ARHGEF7: variants seen among roughly 807,000 people sequenced by gnomAD.
ARHGEF7 encodes the protein PAK-interacting exchange factor beta.
In ARHGEF7, 33 loss-of-function variants were observed where a neutral mutation model predicts 109.8. The ratio of observed to expected loss-of-function variants is 0.30; its 90% CI spans 0.23 to 0.40. The LOEUF is 0.40. Ranked by LOEUF, ARHGEF7 falls within the 10% of genes least tolerant of loss-of-function variation. The pLI is 1.00. For missense variants in ARHGEF7, 938 were observed against 1,098.5 expected (o/e 0.85, Z 2.07); for synonymous variants, 458 against 424.6 (o/e 1.08, Z -0.97).
chr13:111,120,209 C>G (rs1053930150), intron 1 of ARHGEF7, among the ~76,000 whole-genome samples: 1 of 152,220 alleles, frequency 6.6e-6, no homozygotes, highest in Non-Finnish European at 1.5e-5. Flanking sequence ...AAGAAGGTAG[C>G]TGGAACTGCA....
At chr13:111,183,084 T>A (rs1472213654) in intron 2 of ARHGEF7, among the ~76,000 whole-genome samples, 1 of 152,204 alleles carries the variant, frequency 6.6e-6, no homozygotes, top group African/African-American at 2.4e-5. Context: ...TTTAACAGGA[T>A]GTACCCCATT....
intron 2 of ARHGEF7, chr13:111,184,904 G>A (rs566928513): frequency 1.3e-5 from 2 of 152,460 alleles, no homozygotes; most frequent in East Asian, 3.8e-4. Flanking sequence ...GCAGAGCTGA[G>A]GGAGACACTT....
intron 5 of ARHGEF7, among the ~76,000 whole-genome samples, chr13:111,222,360 C>CTGT (rs900622603): frequency 6.6e-6 from 1 of 152,084 alleles, no homozygotes; most frequent in Non-Finnish European, 1.5e-5. Flanking sequence ...CCTTCTGTCC[C>CTGT]TGTTGTTCTC....
At chr13:111,211,692 T>C (rs1053076540) in intron 4 of ARHGEF7, among the ~76,000 whole-genome samples, 2 of 152,210 alleles carry the variant, frequency 1.3e-5, no homozygotes, top group African/African-American at 4.8e-5. Context: ...TCTTTACCCT[T>C]AGGTTTTTCT....
chr13:111,207,553 A>G (rs913168527), intron 3 of ARHGEF7, among the ~76,000 whole-genome samples: 1 of 152,344 alleles, frequency 6.6e-6, no homozygotes, highest in South Asian at 2.1e-4. Context: ...GTAATCCTTA[A>G]TTTGACTCTG....
In ARHGEF7 at chr13:111,267,195, C is replaced by T. The variant is rs143401209; in HGVS notation, c.951-353C>T. Among the ~76,000 whole-genome samples, 610 of 152,326 alleles carry T rather than the reference C, an allele frequency of 4.0e-3. 4 individuals are homozygous for T. Among genetic ancestry groups the T allele is most frequent in the African/African-American group, 0.014 (580 of 41,568 alleles). ...TGATGTTGCTGCTTTGGTAGAAAACCTCACAGACTGAATAACCACATTCAA... is the reference window on the plus strand; with the variant it reads ...TGATGTTGCTGCTTTGGTAGAAAACTTCACAGACTGAATAACCACATTCAA... On this transcript the variant is annotated intron_variant, in intron 8 of 21. Transcript: ENST00000646102.
chr13:111,175,500 G>C (rs1011391132), intron 2 of ARHGEF7, among the ~76,000 whole-genome samples: 1 of 152,186 alleles, frequency 6.6e-6, no homozygotes, highest in African/African-American at 2.4e-5. Context: ...CCTGGGCAAA[G>C]GCTCTGAGAT....
chr13:111,153,780 C>T (rs1472856854), intron 1 of ARHGEF7, 125 bp from the exon 2 acceptor site: 2 of 1,373,706 alleles, frequency 1.5e-6, no homozygotes, highest in African/African-American at 1.5e-5. Context: ...CGCTCCAGGC[C>T]GTCGGGGGCC....
intron 5 of ARHGEF7, among the ~76,000 whole-genome samples, chr13:111,218,878 C>T (rs2083464712): frequency 6.6e-6 from 1 of 152,034 alleles, no homozygotes; most frequent in Non-Finnish European, 1.5e-5. Flanking sequence ...GGGAATATGA[C>T]AATTTTGATG....
At chr13:111,293,146 C>G in intron 19 of ARHGEF7, 1 of 985,398 alleles carries the variant, frequency 1.0e-6, no homozygotes. Context: ...AGTTTAAAGC[C>G]CGAAAGCTGA....
At chr13:111,172,086 G>A (rs143903248) in intron 2 of ARHGEF7, among the ~76,000 whole-genome samples, 3 of 152,308 alleles carry the variant, frequency 2.0e-5, no homozygotes, top group Admixed American at 6.5e-5. Context: ...GAGAGCATCA[G>A]TACACGGTAC....
intron 1 of ARHGEF7, among the ~76,000 whole-genome samples, chr13:111,129,098 C>A (rs1370439360): frequency 1.3e-5 from 2 of 152,164 alleles, no homozygotes; most frequent in Non-Finnish European, 2.9e-5. Flanking sequence ...GGTGCCAAGA[C>A]ACTTGGCTGT....
intron 2 of ARHGEF7, among the ~76,000 whole-genome samples, chr13:111,180,223 C>G (rs1386915579): frequency 2.6e-5 from 4 of 152,124 alleles, no homozygotes; most frequent in Admixed American, 2.0e-4. Context: ...TTCAAGAATC[C>G]AAAGATTCTA....
chr13:111,196,559 G>A (rs2080524384), intron 2 of ARHGEF7, among the ~76,000 whole-genome samples: 1 of 152,182 alleles, frequency 6.6e-6, no homozygotes, highest in Non-Finnish European at 1.5e-5. Flanking sequence ...GGGAGAAGGG[G>A]ACATGTACCC....
At chr13:111,298,140 G>A (rs1469007270) in intron 19 of ARHGEF7, among the ~76,000 whole-genome samples, 1 of 152,210 alleles carries the variant, frequency 6.6e-6, no homozygotes, top group African/African-American at 2.4e-5. Context: ...AGTAAGTGAA[G>A]CCATTTGATT....
chr13:111,262,872 G>A (rs2091253128), intron 8 of ARHGEF7, among the ~76,000 whole-genome samples: 1 of 152,166 alleles, frequency 6.6e-6, no homozygotes, highest in South Asian at 2.1e-4. Context: ...TATGGCTTTG[G>A]TTCTGCCAGG....
At chr13:111,134,289 T>G (rs1594908078) in intron 1 of ARHGEF7, among the ~76,000 whole-genome samples, 1 of 152,198 alleles carries the variant, frequency 6.6e-6, no homozygotes, top group African/African-American at 2.4e-5. Flanking sequence ...ATGATTTATA[T>G]TCCTTTGGGT....
chr13:111,117,103 G>T (rs1429537873), intron 1 of ARHGEF7, among the ~76,000 whole-genome samples: 1 of 152,196 alleles, frequency 6.6e-6, no homozygotes, highest in African/African-American at 2.4e-5. Flanking sequence ...GTGTTGAAAT[G>T]CATGCAAAGT....
rs2087397741 is a variant in ARHGEF7 at position 111,239,523 on chromosome 13, C to T, written c.760-4349C>T. 6.6e-6 allele frequency among the ~76,000 whole-genome samples: 1 copy of T among 152,148 alleles called. No individual in the cohort carries two copies. The highest frequency in any genetic ancestry group is 2.4e-5 in the African/African-American group (1 of 41,430). ...TCCATCCATCAGCAGTGACCCTAAA[C>T]CCTGGCGTTGCTTCGTCTCTTCATC... is the stretch of plus-strand genomic sequence containing the variant. On this transcript the variant is annotated intron_variant, in intron 6 of 21. Coordinates refer to ENST00000646102, the MANE Select transcript of ARHGEF7 (RefSeq NM_001354046.2). This position sits in a 1 kb window ranked among gnomAD's most constrained non-coding sequence, Gnocchi z 4.3.
Sources: allele counts gnomAD v4.1 joint callset (sites outside exome capture counted in the v4.1 genomes callset), GRCh38; gene constraint gnomAD v4.1.1; non-coding constraint Gnocchi (gnomAD v3.1); transcripts MANE v1.5; gene names NCBI Gene and HGNC (gene_info 2026-07-23, HGNC 2026-07-21).